SLC30A8: variants seen among roughly 807,000 people sequenced by gnomAD.
SLC30A8 encodes the protein solute carrier family 30 member 8, also known as proton-coupled zinc antiporter SLC30A8.
Under a neutral mutation model 36.9 loss-of-function variants are expected in SLC30A8, and 27 were observed. The ratio of observed to expected loss-of-function variants is 0.73; its 90% CI spans 0.54 to 1.01. The LOEUF (loss-of-function observed/expected upper bound fraction) is 1.01. SLC30A8 is among the 50% of genes least tolerant of loss of function. The pLI is 0.00. For missense variants in SLC30A8, 439 were observed against 452.0 expected (o/e 0.97, Z 0.26); for synonymous variants, 164 against 172.4 (o/e 0.95, Z 0.38).
chr8:116,977,250 G>A (rs1457469218), intron 1 of SLC30A8, among the ~76,000 whole-genome samples: 2 of 133,334 alleles, frequency 1.5e-5, no homozygotes, highest in Non-Finnish European at 3.1e-5. Flanking sequence ...CTGGGTTCAC[G>A]CCATTCTCCT....
chr8:117,153,723 G>GGTGGGTGT (rs1554591090), intron 3 of SLC30A8, among the ~76,000 whole-genome samples: 3,150 of 146,988 alleles, frequency 0.021, 115 homozygotes, highest in African/African-American at 0.073. Context: ...CATGATAAGG[G>GGTGGGTGT]GTGTGTGTGT....
intron 2 of SLC30A8, among the ~76,000 whole-genome samples, chr8:117,115,748 G>A (rs1235116305): frequency 6.6e-6 from 1 of 152,024 alleles, no homozygotes; most frequent in Non-Finnish European, 1.5e-5. Context: ...TTCAGAGTGG[G>A]TAGGGAAGGG....
intron 1 of SLC30A8, among the ~76,000 whole-genome samples, chr8:116,966,499 T>G (rs1036274955): frequency 1.3e-5 from 2 of 152,026 alleles, no homozygotes; most frequent in African/African-American, 4.8e-5. Context: ...AAACATGTTT[T>G]GCCTTAAAAA....
chr8:117,131,179 G>A (rs992627291), upstream of SLC30A8, among the ~76,000 whole-genome samples: 32 of 151,984 alleles, frequency 2.1e-4, no homozygotes, highest in African/African-American at 7.7e-4. Flanking sequence ...TAAAATATTG[G>A]AAATGGTTTG....
At chr8:117,104,639 C>T (rs867718612) in intron 2 of SLC30A8, among the ~76,000 whole-genome samples, 1 of 152,188 alleles carries the variant, frequency 6.6e-6, no homozygotes, top group Middle Eastern at 3.4e-3. Flanking sequence ...TGATCCAGAC[C>T]CCAAGAGAGG....
Position 116,968,452 on chromosome 8 carries a change from T to C in SLC30A8, c.-266+17333T>C, listed in dbSNP as rs979057447. 2.6e-5 allele frequency among the ~76,000 whole-genome samples: 4 copies of C among 151,572 alleles called. No individual in the cohort carries two copies. In the South Asian group the frequency reaches 8.3e-4, roughly 31 times the overall value. On this transcript the variant is annotated intron_variant, in intron 1 of 10. Coordinates refer to the SLC30A8 transcript ENST00000427715. The stretch of plus-strand genomic sequence containing the variant: ...GCTGTGAGTCAGATGGAGCAGCATC[T>C]ATGTGGGGACTGTTTTATTCATGGC...
At chr8:117,105,722 A>G (rs1445676778) in intron 2 of SLC30A8, among the ~76,000 whole-genome samples, 1 of 152,150 alleles carries the variant, frequency 6.6e-6, no homozygotes, top group African/African-American at 2.4e-5. Context: ...TATTGAGGAT[A>G]ATCTCTTACT....
intron 2 of SLC30A8, among the ~76,000 whole-genome samples, chr8:117,119,354 T>C (rs1820589539): frequency 6.6e-6 from 1 of 151,828 alleles, no homozygotes; most frequent in African/African-American, 2.4e-5. Flanking sequence ...ATTGCTTTTT[T>C]CCCCCATCTT....
intron 2 of SLC30A8, among the ~76,000 whole-genome samples, chr8:117,098,167 G>A (rs116148083): frequency 0.033 from 4,880 of 149,002 alleles, 193 homozygotes; most frequent in African/African-American, 0.097. Context: ...TTTAAAATTC[G>A]AACATTTAGT....
Position 116,979,110 on chromosome 8 carries a change from G to A in SLC30A8, c.-266+27991G>A, listed in dbSNP as rs528977220. On this transcript the variant is annotated intron_variant, in intron 1 of 10. Coordinates refer to the SLC30A8 transcript ENST00000427715. Reference sequence around the variant, plus strand: ...AAATTAGCTGGGTGTGGTGACACACGCTTGTAGTATCCCAGCTACTCGGGA... The same window carrying A: ...AAATTAGCTGGGTGTGGTGACACACACTTGTAGTATCCCAGCTACTCGGGA... Among the ~76,000 whole-genome samples, 9 of 151,082 alleles carry A rather than the reference G, an allele frequency of 6.0e-5. No homozygotes were observed. In the South Asian group the frequency reaches 1.7e-3, roughly 28 times the overall value.
chr8:117,014,447 C>T (rs540750567), intron 1 of SLC30A8, among the ~76,000 whole-genome samples: 1 of 152,250 alleles, frequency 6.6e-6, no homozygotes, highest in East Asian at 1.9e-4. Flanking sequence ...TACCTTGATT[C>T]TATTCCTTCA....
At chr8:117,068,804 T>A (rs899413074) in intron 2 of SLC30A8, among the ~76,000 whole-genome samples, 16 of 152,248 alleles carry the variant, frequency 1.1e-4, no homozygotes, top group African/African-American at 3.1e-4. Flanking sequence ...CTCGAACTCC[T>A]GACCTCAAGT....
chr8:117,158,678 G>C (rs1417904033), intron 4 of SLC30A8, among the ~76,000 whole-genome samples: 1 of 152,178 alleles, frequency 6.6e-6, no homozygotes, highest in Non-Finnish European at 1.5e-5. Flanking sequence ...GATTGCCCAG[G>C]CAATGGGGTT....
intron 2 of SLC30A8, among the ~76,000 whole-genome samples, chr8:117,071,894 T>G (rs1167678239): frequency 6.6e-6 from 1 of 151,932 alleles, no homozygotes; most frequent in Non-Finnish European, 1.5e-5. Context: ...CTCCCACCCT[T>G]CTCTGCCTTG....
intron 3 of SLC30A8, 47 bp from the exon 4 acceptor site, chr8:117,157,644 G>T: frequency 6.2e-7 from 1 of 1,607,092 alleles, no homozygotes; most frequent in South Asian, 1.1e-5. Flanking sequence ...AGGTGTAGGT[G>T]ATGGAGTTAT....
At chr8:116,954,946 A>G (rs1027290099) in intron 1 of SLC30A8, among the ~76,000 whole-genome samples, 3 of 152,208 alleles carry the variant, frequency 2.0e-5, no homozygotes, top group South Asian at 2.1e-4. Flanking sequence ...TGGAAGAGGA[A>G]CGCCACATCC....
chr8:117,078,382 T>C (rs1818557013), intron 2 of SLC30A8, among the ~76,000 whole-genome samples: 1 of 152,208 alleles, frequency 6.6e-6, no homozygotes, highest in Non-Finnish European at 1.5e-5. Flanking sequence ...CAAAACCCTA[T>C]GAGATAGGTG....
At chr8:117,120,200 T>C (rs1034037380) in intron 2 of SLC30A8, among the ~76,000 whole-genome samples, 1 of 151,962 alleles carries the variant, frequency 6.6e-6, no homozygotes, top group Non-Finnish European at 1.5e-5. Context: ...GGTATCACAC[T>C]TTCTGATTTT....
chr8:117,148,298 C>T (rs1371105568), intron 2 of SLC30A8, among the ~76,000 whole-genome samples: 1 of 151,884 alleles, frequency 6.6e-6, no homozygotes. Context: ...GAATTTTTTT[C>T]TAAATAACAG....
Sources: gnomAD v4.1 joint callset for allele counts (sites outside exome capture counted in the v4.1 genomes callset) on GRCh38, gnomAD v4.1.1 for gene constraint, MANE v1.5 for transcripts, NCBI Gene and HGNC (gene_info 2026-07-23, HGNC 2026-07-21) for gene names.